Variants in BCCIP observed in about 807,000 individuals in gnomAD.
BCCIP encodes the protein BRCA2 and CDKN1A-interacting protein.
Under a neutral mutation model 32.8 loss-of-function variants are expected in BCCIP, and 23 were observed. The ratio of observed to expected loss-of-function variants is 0.70; its 90% CI spans 0.51 to 0.99. The LOEUF is 0.99. Ranked by LOEUF, BCCIP falls within the 50% of genes least tolerant of loss-of-function variation. The pLI is 0.00. For synonymous variants in BCCIP, 144 were observed against 137.6 expected, an observed-to-expected ratio of 1.05 and a Z score of -0.33; for missense variants, 378 against 379.8, an observed-to-expected ratio of 1.00 and a Z score of 0.04.
At chr10:125,835,598 AC>A (rs201219913) in intron 6 of BCCIP, among the ~76,000 whole-genome samples, 117 of 150,750 alleles carry the variant, frequency 7.8e-4, no homozygotes, top group East Asian at 6.8e-3. Flanking sequence ...AAACAAACAA[AC>A]AAAAAAAACA....
chr10:125,852,492 T>G (rs1470294010), intron 7 of BCCIP: 1 of 1,613,568 alleles, frequency 6.2e-7, no homozygotes, highest in South Asian at 1.1e-5. Context: ...ATTTCTGGGT[T>G]GCCTGCATAC....
intron 6 of BCCIP, 137 bp from the exon 7 acceptor site, chr10:125,835,967 A>C: frequency 1.3e-6 from 1 of 763,402 alleles, no homozygotes; most frequent in Non-Finnish European, 2.1e-6. Flanking sequence ...GAACTTTTTC[A>C]ATTCTGAGTT....
chr10:125,850,481 C>T (rs1213185668), intron 7 of BCCIP, among the ~76,000 whole-genome samples: 2 of 151,898 alleles, frequency 1.3e-5, no homozygotes, highest in African/African-American at 4.8e-5. Flanking sequence ...CCTCAGCCTC[C>T]CAAGTAGCTG....
chr10:125,829,239 C>T (rs1057228289), intron 3 of BCCIP, among the ~76,000 whole-genome samples: 1 of 152,100 alleles, frequency 6.6e-6, no homozygotes, highest in Non-Finnish European at 1.5e-5. Flanking sequence ...GTACTAGCAC[C>T]GATCTTGTAG....
chr10:125,823,710 G>T lies in BCCIP; in HGVS notation c.153G>T (p.Glu51Asp), dbSNP rs1174646245. 1 of 1,614,112 alleles carries T rather than the reference G, an allele frequency of 6.2e-7. No homozygotes were observed. The highest frequency in any genetic ancestry group is 8.5e-7 in the Non-Finnish European group (1 of 1,179,972). ...DSDKEKDEEDEVIDEEVNIEF... is the reference protein window; with the variant it reads ...DSDKEKDEEDDVIDEEVNIEF... ...ACAAGGAAAAGGATGAAGAGGACGA[G>T]GTCATTGACGAGGTGAGAAGGACAC... is the stretch of plus-strand genomic sequence containing the variant. The change falls in exon 1 of 7, where the codon GAG (glutamate) becomes GAT (aspartate). Residue 51 changes from glutamate to aspartate, a missense_variant. Glu to Asp is a conservative substitution (Grantham distance 45). Coordinates refer to ENST00000278100, the MANE Select transcript of BCCIP (RefSeq NM_078468.3).
At chr10:125,838,926 GC>G (rs1156397418), downstream of BCCIP, 21 of 1,427,630 alleles carry the variant, frequency 1.5e-5, no homozygotes, top group Non-Finnish European at 2.0e-5. Context: ...ATCATCCTAA[GC>G]CATTGTTGGC....
chr10:125,827,835 A>G (rs1482598557), intron 3 of BCCIP, among the ~76,000 whole-genome samples, 197 bp downstream of exon 3: 1 of 152,092 alleles, frequency 6.6e-6, no homozygotes, highest in Non-Finnish European at 1.5e-5. Flanking sequence ...AGCCGGGCAT[A>G]GTAGCACATG....
chr10:125,830,103 G>A (rs780257196), intron 3 of BCCIP, among the ~76,000 whole-genome samples: 116 of 152,322 alleles, frequency 7.6e-4, no homozygotes, highest in Middle Eastern at 3.4e-3. Context: ...ACTGACAAGT[G>A]TTCTGGAAAC....
chr10:125,852,402 C>T lies in BCCIP; in HGVS notation c.851-723C>T, dbSNP rs911155924. 2.1e-5 allele frequency: 34 copies of T among 1,613,978 alleles called. No individual in the cohort carries two copies. Among genetic ancestry groups the T allele is most frequent in the Non-Finnish European group, 2.6e-5 (31 of 1,180,024 alleles). ...CCTGCATTTCTGCTGGCTTCAGTGGCGTCATGTCTTTGGAGGCAAATTCTT... is the reference window on the plus strand; with the variant it reads ...CCTGCATTTCTGCTGGCTTCAGTGGTGTCATGTCTTTGGAGGCAAATTCTT... On this transcript the variant is annotated intron_variant, in intron 7 of 7. Coordinates refer to the BCCIP transcript ENST00000368759.
chr10:125,827,707 T>C, intron 3 of BCCIP, 69 bp downstream of exon 3: 2 of 1,234,688 alleles, frequency 1.6e-6, no homozygotes, highest in Non-Finnish European at 1.2e-6. Flanking sequence ...GGCCTCACCA[T>C]GCTTGTAATC....
chr10:125,849,556 A>C (rs1356104802), intron 7 of BCCIP, among the ~76,000 whole-genome samples: 1 of 152,174 alleles, frequency 6.6e-6, no homozygotes, highest in Non-Finnish European at 1.5e-5. Flanking sequence ...TTAACTTAAA[A>C]ACCTAGGCTG....
At chr10:125,852,782 A>G in intron 7 of BCCIP, 1 of 770,742 alleles carries the variant, frequency 1.3e-6, no homozygotes, top group Non-Finnish European at 2.0e-6. Flanking sequence ...CACGATATTT[A>G]TTATTGTTTC....
At chr10:125,838,490 G>T, downstream of BCCIP, 1 of 1,098,408 alleles carries the variant, frequency 9.1e-7, no homozygotes, top group Non-Finnish European at 1.2e-6. Context: ...ATACGGGATA[G>T]TTAAAACTAA....
chr10:125,846,125 G>A (rs1041208386), downstream of BCCIP, among the ~76,000 whole-genome samples: 5 of 152,290 alleles, frequency 3.3e-5, no homozygotes, highest in South Asian at 2.1e-4. Flanking sequence ...TTCCTCAAGC[G>A]TAAGGGCATT....
intron 6 of BCCIP, among the ~76,000 whole-genome samples, chr10:125,834,877 A>C (rs997463892): frequency 3.9e-5 from 6 of 151,916 alleles, no homozygotes; most frequent in African/African-American, 1.4e-4. Flanking sequence ...TCACGCCTGT[A>C]ATCCCAGCAC....
rs771703694 is a variant in BCCIP at position 125,831,447 on chromosome 10, G to C, written c.439G>C (p.Glu147Gln). The change falls in exon 5 of 7, where the codon GAG becomes CAG. Residue 147 changes from glutamate (E) to glutamine (Q), a missense_variant. By Grantham distance (29) the Glu-to-Gln change is conservative (BLOSUM62 2). Transcript: ENST00000278100. Reference protein sequence around the residue: ...KGTQCVEQIQELVLRFCEKNC... With the variant: ...KGTQCVEQIQQLVLRFCEKNC... ...TACCCAGTGTGTTGAACAAATTCAAGAGTTGGTTCTACGCTTCTGTGAGAA... is the reference window on the plus strand; with the variant it reads ...TACCCAGTGTGTTGAACAAATTCAACAGTTGGTTCTACGCTTCTGTGAGAA... The C allele has an allele frequency of 2.5e-6, 4 of 1,614,008 alleles. No individual in the cohort carries two copies. In the Admixed American group the frequency reaches 6.7e-5, roughly 27 times the overall value.
At chr10:125,826,553 G>A (rs1854392896) in intron 1 of BCCIP, 38 bp from the exon 2 acceptor site, 1 of 1,610,698 alleles carries the variant, frequency 6.2e-7, no homozygotes, top group African/African-American at 1.3e-5. Flanking sequence ...GATGTTTGTA[G>A]TTTTTCTGGT....
At chr10:125,845,527 G>A (rs567731372), downstream of BCCIP, among the ~76,000 whole-genome samples, 11 of 152,334 alleles carry the variant, frequency 7.2e-5, no homozygotes, top group East Asian at 1.9e-3. Context: ...ATTTTCACGA[G>A]GATAGGGCAG....
At chr10:125,824,951 G>A (rs1854339320) in intron 1 of BCCIP, among the ~76,000 whole-genome samples, 1 of 152,266 alleles carries the variant, frequency 6.6e-6, no homozygotes, top group Non-Finnish European at 1.5e-5. Context: ...ATGGAGAGAA[G>A]CATGGATGCA....
Sources: allele counts gnomAD v4.1 joint callset (sites outside exome capture counted in the v4.1 genomes callset), GRCh38; gene constraint gnomAD v4.1.1; transcripts MANE v1.5; gene names NCBI Gene and HGNC (gene_info 2026-07-23, HGNC 2026-07-21).